Variants in CLBA1 observed in about 807,000 individuals in gnomAD.
The protein encoded by CLBA1 is clathrin binding box of aftiphilin containing 1.
In CLBA1, 30 loss-of-function variants were observed where a neutral mutation model predicts 28.8. That is an observed-to-expected ratio of 1.04 (90% confidence interval 0.78 to 1.41). The LOEUF (loss-of-function observed/expected upper bound fraction) is 1.41. CLBA1 is among the 40% of genes most tolerant of loss of function. CLBA1 has a pLI of 0.00. For missense variants in CLBA1, 451 were observed against 412.3 expected (o/e 1.09, Z -0.81); for synonymous variants, 160 against 152.8 (o/e 1.05, Z -0.35).
At chr14:104,994,026 G>T (rs1318997464) in intron 4 of CLBA1, 4 of 984,864 alleles carry the variant, frequency 4.1e-6, no homozygotes, top group Non-Finnish European at 4.8e-6. Context: ...GGGTTCCCTG[G>T]ATGATCAGCA....
intron 2 of CLBA1, 187 bp from the exon 3 acceptor site, chr14:104,991,304 G>A (rs1327221701): frequency 1.8e-5 from 10 of 541,056 alleles, no homozygotes; most frequent in South Asian, 9.9e-5. Flanking sequence ...GATTACAGGC[G>A]TGAGCCACTG....
At chr14:104,989,460 C>A in intron 2 of CLBA1, 1 of 400,364 alleles carries the variant, frequency 2.5e-6, no homozygotes, top group Non-Finnish European at 5.0e-6. Context: ...GCTGAGTGGG[C>A]ACCGGCTGCC....
rs1052475348 is a variant in CLBA1 at position 104,993,296 on chromosome 14, C to A, written c.816+232C>A. The A allele has an allele frequency of 6.1e-6, 6 of 985,266 alleles. No individual in the cohort carries two copies. In the Admixed American group the frequency reaches 2.5e-4, roughly 40 times the overall value. 61.0% of individuals were successfully genotyped at this position (985,266 alleles called of 1,614,324 possible). ...CCGGAAAGACTCTCAGGCCAGAGGA[C>A]CCAGGATATGGGTGGGTCACGCAGG... On this transcript the variant is annotated intron_variant, in intron 4 of 4. Transcript: ENST00000547315.
Position 104,988,993 on chromosome 14 carries a change from A to G in CLBA1, c.474A>G (p.Thr158=), listed in dbSNP as rs775776284. The change falls in exon 2 of 5, where the codon ACA becomes ACG. Residue 158 remains threonine (T), a synonymous_variant. Coordinates refer to ENST00000547315, the MANE Select transcript of CLBA1 (RefSeq NM_174891.4). ...TAAAGTGTGCTTTTCAAGAAATAAC[A>G]GTCCAGCAGGCAGCTGAAGACGTTT... ...NILKCAFQEI[T]VQQAAEDVST... The G allele has an allele frequency of 6.2e-7, 1 of 1,613,024 alleles. No homozygotes were observed. Among genetic ancestry groups the G allele is most frequent in the Admixed American group, 1.7e-5 (1 of 59,980 alleles).
intron 4 of CLBA1, chr14:104,993,893 G>A: frequency 1.0e-6 from 1 of 985,414 alleles, no homozygotes; most frequent in Non-Finnish European, 1.2e-6. Flanking sequence ...CTGGTAGGAG[G>A]TAACAAGGAC....
chr14:104,992,129 G>A lies in CLBA1; in HGVS notation c.699+509G>A, dbSNP rs969455041. On this transcript the variant is annotated intron_variant, in intron 3 of 4. Coordinates refer to ENST00000547315, the MANE Select transcript of CLBA1 (RefSeq NM_174891.4). ...CATGCCGCCATGCACACGCCACCAC[G>A]CACACGCCGCCATGCACACGCCTCA... is the stretch of plus-strand genomic sequence containing the variant. Among the ~76,000 whole-genome samples, 8 of 135,856 alleles carry A rather than the reference G, an allele frequency of 5.9e-5. No homozygotes were observed. In the South Asian group the frequency reaches 7.1e-4, roughly 12 times the overall value. The allele number at this position is 135,856 out of a possible 152,430, so 89.1% of individuals were successfully genotyped here.
chr14:104,992,038 ACG>A (rs1900042966), intron 3 of CLBA1, among the ~76,000 whole-genome samples: 2 of 129,710 alleles, frequency 1.5e-5, no homozygotes, highest in African/African-American at 6.0e-5. Flanking sequence ...ACACGCCGCC[ACG>A]CACACGCCAC....
chr14:104,987,917 G>A (rs148377248), intron 1 of CLBA1, among the ~76,000 whole-genome samples: 2,243 of 151,976 alleles, frequency 0.015, 53 homozygotes, highest in African/African-American at 0.051. Flanking sequence ...GATTACAGGC[G>A]TGAGCCACCA....
At chr14:104,995,692 G>A (rs1900144777), downstream of CLBA1, among the ~76,000 whole-genome samples, 1 of 152,200 alleles carries the variant, frequency 6.6e-6, no homozygotes, top group Non-Finnish European at 1.5e-5. Flanking sequence ...ACAGTGATGG[G>A]CAGGAGTTTC....
chr14:104,987,789 T>A lies in CLBA1; in HGVS notation c.423+935T>A, dbSNP rs779359039. 5.6e-4 allele frequency among the ~76,000 whole-genome samples: 81 copies of A among 144,944 alleles called. No homozygotes were observed. In the South Asian group the frequency reaches 0.014, roughly 25 times the overall value. On this transcript the variant is annotated intron_variant, in intron 1 of 4. Coordinates refer to ENST00000547315, the MANE Select transcript of CLBA1 (RefSeq NM_174891.4). ...TCCACCACCACGCCCGGCTAACTTT[T>A]TATATATATATATATATATGTATGT... is the stretch of plus-strand genomic sequence containing the variant.
downstream of CLBA1, among the ~76,000 whole-genome samples, chr14:104,999,063 G>A (rs531585977): frequency 4.9e-4 from 75 of 152,370 alleles, no homozygotes; most frequent in African/African-American, 1.7e-3. Context: ...GGGCCCATGG[G>A]TGTGGCAAAG....
chr14:104,999,837 AAAGT>A (rs1413607087), downstream of CLBA1, among the ~76,000 whole-genome samples: 3 of 152,248 alleles, frequency 2.0e-5, no homozygotes, highest in African/African-American at 7.2e-5. Flanking sequence ...TTTATATTAG[AAAGT>A]AAGAAAAGTA....
intron 2 of CLBA1, 31 bp from the exon 3 acceptor site, chr14:104,991,460 T>A (rs769646088): frequency 6.2e-7 from 1 of 1,612,556 alleles, no homozygotes; most frequent in Non-Finnish European, 8.5e-7. Context: ...GCTCTCAAGG[T>A]CACCTTTTAA....
In CLBA1 at chr14:104,991,619, A is replaced by C; in HGVS notation, c.698A>C (p.Lys233Thr). 1 of 1,608,538 alleles carries C rather than the reference A, an allele frequency of 6.2e-7. No homozygotes were observed. Among genetic ancestry groups the C allele is most frequent in the Non-Finnish European group, 8.5e-7 (1 of 1,177,122 alleles). The change falls in exon 3 of 5, where the codon AAG becomes ACG. Residue 233 changes from lysine to threonine, a missense_variant and splice_region_variant. Transcript: ENST00000547315. ...FLVLGIDAAQKNLSGGQGHIM... is the reference protein window; with the variant it reads ...FLVLGIDAAQTNLSGGQGHIM... ...GTTCTCGGAATAGATGCTGCGCAGA[A>C]GGTAGGCGGTTTGGGTTGACACAGG...
At chr14:104,989,201 G>A (rs1899951206) in intron 2 of CLBA1, 113 bp downstream of exon 2, 6 of 1,076,094 alleles carry the variant, frequency 5.6e-6, no homozygotes, top group Non-Finnish European at 6.7e-6. Flanking sequence ...TCTCTCCTGA[G>A]GTCCCTGCCA....
chr14:104,991,653 G>C (rs749247657), intron 3 of CLBA1, 33 bp downstream of exon 3: 1 of 1,578,676 alleles, frequency 6.3e-7, no homozygotes, highest in Non-Finnish European at 8.6e-7. Context: ...GGGCTCCTGG[G>C]AGTGTGGTTG....
chr14:105,000,295 T>C (rs995076523), downstream of CLBA1, among the ~76,000 whole-genome samples: 4 of 151,892 alleles, frequency 2.6e-5, no homozygotes, highest in African/African-American at 9.7e-5. Context: ...TCTTTCTTTT[T>C]TTTTTTTGCT....
intron 1 of CLBA1, among the ~76,000 whole-genome samples, chr14:104,987,820 A>G (rs954993916): frequency 2.7e-5 from 4 of 150,492 alleles, no homozygotes; most frequent in Non-Finnish European, 5.9e-5. Context: ...TATGTTTAGT[A>G]GAGACTGGGT....
rs901594888 is a variant in CLBA1 at position 104,995,460 on chromosome 14, G to A, written c.*701G>A. 46 of 985,344 alleles carry A rather than the reference G, an allele frequency of 4.7e-5. No homozygotes were observed. The highest frequency in any genetic ancestry group is 5.4e-5 in the Non-Finnish European group (45 of 829,948). 61.0% of individuals were successfully genotyped at this position (985,344 alleles called of 1,614,324 possible). A position where few individuals can be genotyped will look rare whatever the true frequency, so the allele number is the denominator to read the frequency against. ...AAAACTGTGCTCTTCGAAGGGCAGA[G>A]CCAAGAAGTCAGCCCTGACTTTTGT... On this transcript the variant is annotated 3_prime_UTR_variant, in exon 5 of 5. Coordinates refer to ENST00000547315, the MANE Select transcript of CLBA1 (RefSeq NM_174891.4).
Sources: allele counts gnomAD v4.1 joint callset (sites outside exome capture counted in the v4.1 genomes callset), GRCh38; gene constraint gnomAD v4.1.1; transcripts MANE v1.5; gene names NCBI Gene and HGNC (gene_info 2026-07-23, HGNC 2026-07-21).